Variants in SCARB1 observed in about 807,000 individuals in gnomAD.
SCARB1 encodes CD36 and LIMPII analogous 1.
In SCARB1, 30 loss-of-function variants were observed where a neutral mutation model predicts 57.2. The observed-to-expected ratio is 0.52, with a 90% CI of 0.39 to 0.71. The LOEUF (loss-of-function observed/expected upper bound fraction) is 0.71, where lower values mean the gene tolerates loss of function less well. Ranked by LOEUF, SCARB1 falls within the 30% of genes least tolerant of loss-of-function variation. SCARB1 has a pLI of 0.00. For synonymous variants in SCARB1, 249 were observed against 268.3 expected (o/e 0.93, Z 0.70); for missense variants, 543 against 671.2 (o/e 0.81, Z 2.11).
At chr12:124,818,505 T>C (rs1051206419) in intron 1 of SCARB1, among the ~76,000 whole-genome samples, 2 of 152,148 alleles carry the variant, frequency 1.3e-5, no homozygotes, top group African/African-American at 4.8e-5. Context: ...CTCACTCTGT[T>C]GCCCAGGCTG....
chr12:124,837,544 A>AAAGG, intron 1 of SCARB1, among the ~76,000 whole-genome samples: 1 of 11,218 alleles, frequency 8.9e-5, no homozygotes, highest in African/African-American at 2.1e-4. Context: ...GAAAGAAAAG[A>AAAGG]AAAGAAAAGA....
intron 1 of SCARB1, among the ~76,000 whole-genome samples, chr12:124,853,044 C>T (rs981549372): frequency 4.6e-5 from 7 of 151,974 alleles, no homozygotes; most frequent in Non-Finnish European, 8.8e-5. Context: ...AGACAGTGGA[C>T]GTGGGGGGCA....
chr12:124,836,260 C>T (rs1566228772), intron 1 of SCARB1, among the ~76,000 whole-genome samples: 2 of 152,208 alleles, frequency 1.3e-5, no homozygotes, highest in South Asian at 2.1e-4. Context: ...CCAGAGGTCT[C>T]GCGCATGTGT....
chr12:124,792,721 CAAAAAAAAAAAA>C lies in SCARB1; in HGVS notation c.1202+2462_1202+2473del, dbSNP rs930596389. Among the ~76,000 whole-genome samples, 8 of 31,738 alleles carry C rather than the reference CAAAAAAAAAAAA, an allele frequency of 2.5e-4. No homozygotes were observed. In the East Asian group the frequency reaches 5.9e-3, roughly 24 times the overall value. The allele number at this position is 31,738 out of a possible 152,430, so 20.8% of individuals were successfully genotyped here. A position where few individuals can be genotyped will look rare whatever the true frequency, so the allele number is the denominator to read the frequency against. On this transcript the variant is annotated intron_variant, in intron 9 of 12. Coordinates refer to ENST00000261693, the MANE Select transcript of SCARB1 (RefSeq NM_005505.5). ...TGGGTGACACGGCAAGACTTCGTCT[CAAAAAAAAAAAA>C]AAAAAAAAAAAAAGAATGTGAATTA...
intron 8 of SCARB1, among the ~76,000 whole-genome samples, 181 bp from the exon 9 acceptor site, chr12:124,795,449 TG>T (rs993797529): frequency 6.6e-6 from 1 of 152,180 alleles, no homozygotes; most frequent in African/African-American, 2.4e-5. Flanking sequence ...CTAGAAATGC[TG>T]GGCAGGTGCA....
intron 4 of SCARB1, among the ~76,000 whole-genome samples, chr12:124,813,251 AC>A (rs1950586098): frequency 6.6e-6 from 1 of 151,950 alleles, no homozygotes; most frequent in South Asian, 2.1e-4. Flanking sequence ...ACGCTGTTTT[AC>A]CCCCAGTTCC....
At chr12:124,833,810 A>T (rs541811112) in intron 1 of SCARB1, among the ~76,000 whole-genome samples, 1 of 152,210 alleles carries the variant, frequency 6.6e-6, no homozygotes, top group African/African-American at 2.4e-5. Context: ...CACGCCCAGG[A>T]TGCTCACACG....
chr12:124,814,846 C>G lies in SCARB1; in HGVS notation c.426+127G>C, dbSNP rs1341236998. 14 of 1,243,332 alleles carry G rather than the reference C, an allele frequency of 1.1e-5. No homozygotes were observed. Among genetic ancestry groups the G allele is most frequent in the African/African-American group, 1.5e-5 (1 of 67,644 alleles). The allele number at this position is 1,243,332 out of a possible 1,614,324, so 77.0% of individuals were successfully genotyped here. A position where few individuals can be genotyped will look rare whatever the true frequency, so the allele number is the denominator to read the frequency against. On this transcript the variant is annotated intron_variant, in intron 3 of 12. Transcript: ENST00000261693. The surrounding 1 kb of genome is among the most constrained non-coding windows in gnomAD (Gnocchi z 4.7). ...GGAGACAGCACAGGGCCGAAAGCCA[C>G]CCACCAGGCGTGAGTCCCCACGCTC...
At chr12:124,827,654 TGTCC>T (rs1257854458) in intron 1 of SCARB1, among the ~76,000 whole-genome samples, 1 of 152,148 alleles carries the variant, frequency 6.6e-6, no homozygotes, top group Non-Finnish European at 1.5e-5. Flanking sequence ...CTTGCTATCC[TGTCC>T]AAGAGGCCAC....
chr12:124,861,068 T>C (rs1952880084), intron 1 of SCARB1, among the ~76,000 whole-genome samples: 1 of 152,164 alleles, frequency 6.6e-6, no homozygotes, highest in African/African-American at 2.4e-5. Flanking sequence ...AAACTTTCTC[T>C]CTTTTCCTCC....
intron 1 of SCARB1, among the ~76,000 whole-genome samples, chr12:124,837,695 T>C (rs564884681): frequency 2.0e-5 from 3 of 151,904 alleles, no homozygotes; most frequent in Admixed American, 2.0e-4. Context: ...AAGACGAGCC[T>C]GGGCAACATA....
chr12:124,819,180 A>G (rs1950857051), intron 1 of SCARB1, among the ~76,000 whole-genome samples: 1 of 151,850 alleles, frequency 6.6e-6, no homozygotes, highest in Non-Finnish European at 1.5e-5. Flanking sequence ...CACAAACACA[A>G]CCTAGACCCA....
chr12:124,826,603 C>T (rs1951172810), intron 1 of SCARB1, among the ~76,000 whole-genome samples: 1 of 151,922 alleles, frequency 6.6e-6, no homozygotes, highest in Non-Finnish European at 1.5e-5. Flanking sequence ...TACCACCACG[C>T]CCGGCTATTT....
chr12:124,862,842 C>A (rs1334118468), intron 1 of SCARB1, among the ~76,000 whole-genome samples: 1 of 152,232 alleles, frequency 6.6e-6, no homozygotes, highest in African/African-American at 2.4e-5. Flanking sequence ...ACCGCCTAAT[C>A]TGTCTCCCTG....
At chr12:124,780,849 G>C (rs904037097) in intron 12 of SCARB1, among the ~76,000 whole-genome samples, 1 of 152,030 alleles carries the variant, frequency 6.6e-6, no homozygotes, top group Non-Finnish European at 1.5e-5. Context: ...CACTGACCAG[G>C]CCCTGACCAG....
chr12:124,818,462 T>TTTTA (rs957094262), intron 1 of SCARB1, among the ~76,000 whole-genome samples: 1 of 151,910 alleles, frequency 6.6e-6, no homozygotes, highest in Non-Finnish European at 1.5e-5. Flanking sequence ...TAAAGAATAA[T>TTTTA]TTTATTTATT....
chr12:124,803,174 G>A (rs975938792), intron 7 of SCARB1, among the ~76,000 whole-genome samples: 3 of 152,222 alleles, frequency 2.0e-5, no homozygotes, highest in African/African-American at 7.2e-5. Flanking sequence ...CTGAGCTCCG[G>A]GGCTGGATGT....
At chr12:124,824,678 G>C (rs1479675688) in intron 1 of SCARB1, among the ~76,000 whole-genome samples, 1 of 152,212 alleles carries the variant, frequency 6.6e-6, no homozygotes. Flanking sequence ...GCACAGCGGG[G>C]GTCAGGCCAC....
At chr12:124,798,954 A>T (rs1434990816) in intron 8 of SCARB1, among the ~76,000 whole-genome samples, 3 of 152,088 alleles carry the variant, frequency 2.0e-5, no homozygotes, top group Non-Finnish European at 2.9e-5. Context: ...TCAGTTAGAC[A>T]GGGGGAGTAA....
Sources: gnomAD v4.1 joint callset for allele counts (sites outside exome capture counted in the v4.1 genomes callset) on GRCh38, gnomAD v4.1.1 for gene constraint, Gnocchi (gnomAD v3.1) non-coding constraint, MANE v1.5 for transcripts, NCBI Gene and HGNC (gene_info 2026-07-23, HGNC 2026-07-21) for gene names.